The following SLC22A9 variants were observed in gnomAD, a reference collection of about 807,000 sequenced individuals.
The protein encoded by SLC22A9 is organic anion transporter 7.
In SLC22A9, 64 loss-of-function variants were observed where a neutral mutation model predicts 50.1. The ratio of observed to expected loss-of-function variants is 1.28; its 90% CI spans 1.04 to 1.57. The LOEUF (loss-of-function observed/expected upper bound fraction) is 1.57. Among genes scored for constraint, SLC22A9 ranks in the 40% most tolerant of loss-of-function variants. The probability of loss-of-function intolerance (pLI) is 0.00; values close to 1 mark genes in which losing one functional copy is unlikely to be tolerated. For synonymous variants in SLC22A9, 261 were observed against 242.5 expected (o/e 1.08, Z -0.71); for missense variants, 757 against 676.1 (o/e 1.12, Z -1.33).
intron 6 of SLC22A9, among the ~76,000 whole-genome samples, chr11:63,402,720 A>T (rs1195947724): frequency 6.6e-6 from 1 of 152,128 alleles, no homozygotes; most frequent in African/African-American, 2.4e-5. Flanking sequence ...TCACATAATT[A>T]GTAAATGGTA....
intron 7 of SLC22A9, among the ~76,000 whole-genome samples, chr11:63,407,547 G>T (rs1255690591): frequency 6.6e-6 from 1 of 152,160 alleles, no homozygotes; most frequent in African/African-American, 2.4e-5. Context: ...CTTCCCTTCA[G>T]TGCTTTCCAA....
At chr11:63,403,849 A>C (rs944940921) in intron 6 of SLC22A9, among the ~76,000 whole-genome samples, 1 of 152,144 alleles carries the variant, frequency 6.6e-6, no homozygotes, top group Non-Finnish European at 1.5e-5. Flanking sequence ...ATAAATAAAC[A>C]AGAAATAATA....
At chr11:63,377,285 C>A (rs1355094868) in intron 5 of SLC22A9, among the ~76,000 whole-genome samples, 1 of 151,932 alleles carries the variant, frequency 6.6e-6, no homozygotes, top group Non-Finnish European at 1.5e-5. Flanking sequence ...CTCAAATTGA[C>A]CACACATCAG....
chr11:63,374,428 G>A (rs921950732), intron 4 of SLC22A9, among the ~76,000 whole-genome samples: 1 of 152,078 alleles, frequency 6.6e-6, no homozygotes, highest in Non-Finnish European at 1.5e-5. Flanking sequence ...TTTCAGATAA[G>A]GGATGAATAA....
At chr11:63,370,738 G>A (rs1334849968) in intron 1 of SLC22A9, among the ~76,000 whole-genome samples, 1 of 152,174 alleles carries the variant, frequency 6.6e-6, no homozygotes, top group East Asian at 1.9e-4. Context: ...TGCTAGGTCA[G>A]TGATGCTCAG....
At chr11:63,404,761 G>C (rs1591028593) in intron 6 of SLC22A9, among the ~76,000 whole-genome samples, 1 of 152,184 alleles carries the variant, frequency 6.6e-6, no homozygotes, top group East Asian at 1.9e-4. Context: ...GATGCCCTTG[G>C]GGCTCTTATC....
intron 6 of SLC22A9, among the ~76,000 whole-genome samples, chr11:63,403,820 T>C (rs1161777353): frequency 1.3e-5 from 2 of 151,550 alleles, no homozygotes; most frequent in African/African-American, 4.8e-5. Context: ...AATAAATAAA[T>C]AAATCAATCA....
chr11:63,405,347 T>C (rs1157415447), intron 6 of SLC22A9, among the ~76,000 whole-genome samples: 1 of 152,118 alleles, frequency 6.6e-6, no homozygotes, highest in Non-Finnish European at 1.5e-5. Flanking sequence ...AACTAGAAAC[T>C]GTGTCAAGGG....
chr11:63,394,611 T>A (rs1353733374), intron 6 of SLC22A9, among the ~76,000 whole-genome samples: 1 of 152,180 alleles, frequency 6.6e-6, no homozygotes, highest in African/African-American at 2.4e-5. Flanking sequence ...TCTGATAGGT[T>A]TTCCCTTTTA....
intron 4 of SLC22A9, among the ~76,000 whole-genome samples, chr11:63,375,126 G>C (rs1371957808): frequency 6.6e-6 from 1 of 152,108 alleles, no homozygotes; most frequent in Non-Finnish European, 1.5e-5. Context: ...GCCCTACAAG[G>C]TAATATTCTC....
At chr11:63,398,704 A>ACCCTGCAGTT (rs540490033) in intron 6 of SLC22A9, among the ~76,000 whole-genome samples, 2,151 of 152,296 alleles carry the variant, frequency 0.014, 54 homozygotes, top group African/African-American at 0.049. Context: ...GGAGATGGGC[A>ACCCTGCAGTT]GGGTTGGCAC....
At chr11:63,400,601 A>G (rs890002261) in intron 6 of SLC22A9, among the ~76,000 whole-genome samples, 1 of 152,120 alleles carries the variant, frequency 6.6e-6, no homozygotes, top group African/African-American at 2.4e-5. Context: ...AAGAACTCAT[A>G]CCTATTGTAC....
chr11:63,395,593 A>T (rs1362640223), intron 6 of SLC22A9, among the ~76,000 whole-genome samples: 2 of 152,166 alleles, frequency 1.3e-5, no homozygotes, highest in Admixed American at 6.5e-5. Context: ...TCGGCCATGG[A>T]TACCAGCACC....
intron 5 of SLC22A9, among the ~76,000 whole-genome samples, chr11:63,380,370 T>C (rs917926097): frequency 6.6e-6 from 1 of 152,078 alleles, no homozygotes; most frequent in African/African-American, 2.4e-5. Flanking sequence ...TTTTCTGTCA[T>C]AAAGGCACAT....
At chr11:63,373,317 A>C (rs2014398396) in intron 2 of SLC22A9, among the ~76,000 whole-genome samples, 1 of 152,000 alleles carries the variant, frequency 6.6e-6, no homozygotes, top group African/African-American at 2.4e-5. Flanking sequence ...TGGGAGACAC[A>C]TTGTGTTATT....
Position 63,373,653 on chromosome 11 carries a change from A to C in SLC22A9, c.516A>C (p.Arg172Ser). Residue 172 changes from arginine (R) to serine (S), a missense_variant, in exon 3 of 10, where the codon AGA becomes AGC. Arg to Ser is a moderately radical substitution (Grantham distance 110). Coordinates refer to ENST00000279178, the MANE Select transcript of SLC22A9 (RefSeq NM_080866.3). ...LGGHLSDRFG[R>S]RFVLRWCYLQ... ...TGTTTCTGTTTCTCAGGTTTGGGAGAAGGTTCGTGCTCAGATGGTGTTACC... is the reference window on the plus strand; with the variant it reads ...TGTTTCTGTTTCTCAGGTTTGGGAGCAGGTTCGTGCTCAGATGGTGTTACC... 6.4e-7 allele frequency: 1 copy of C among 1,554,188 alleles called. No homozygotes were observed. Among genetic ancestry groups the C allele is most frequent in the Non-Finnish European group, 8.7e-7 (1 of 1,155,692 alleles).
At chr11:63,399,074 A>G (rs989266628) in intron 6 of SLC22A9, among the ~76,000 whole-genome samples, 1 of 152,216 alleles carries the variant, frequency 6.6e-6, no homozygotes, top group African/African-American at 2.4e-5. Context: ...ATAAAAATGA[A>G]AAGCAAGAAG....
intron 2 of SLC22A9, among the ~76,000 whole-genome samples, chr11:63,371,449 A>T (rs1265983070): frequency 6.6e-6 from 1 of 152,190 alleles, no homozygotes; most frequent in Admixed American, 6.5e-5. Flanking sequence ...CTCCATGTGA[A>T]CTGGGGGTGT....
intron 8 of SLC22A9, 106 bp downstream of exon 8, chr11:63,408,326 T>C (rs994628170): frequency 3.4e-6 from 3 of 894,680 alleles, no homozygotes; most frequent in Non-Finnish European, 5.3e-6. Flanking sequence ...AGAAAATAAA[T>C]CATAACAGTC....
Sources: gnomAD v4.1 joint callset for allele counts (sites outside exome capture counted in the v4.1 genomes callset) on GRCh38, gnomAD v4.1.1 for gene constraint, MANE v1.5 for transcripts, NCBI Gene and HGNC (gene_info 2026-07-23, HGNC 2026-07-21) for gene names.